SLC26A11: variants seen among roughly 807,000 people sequenced by gnomAD.
SLC26A11 encodes sodium-independent sulfate anion transporter.
SLC26A11 carries 58 observed loss-of-function variants against 62.2 expected under a neutral mutation model. The observed-to-expected ratio is 0.93, with a 90% CI of 0.76 to 1.16. The LOEUF is 1.16. Among genes scored for constraint, SLC26A11 ranks in the 50% most tolerant of loss-of-function variants. The pLI is 0.00. For missense variants in SLC26A11, 790 were observed against 794.3 expected (o/e 0.99, Z 0.06); for synonymous variants, 411 against 368.9 (o/e 1.11, Z -1.31).
In SLC26A11 at chr17:80,222,773, A is replaced by ATGAGCCCGCCTACGCTGTGC; in HGVS notation, c.356_375dup (p.Leu126SerfsTer81). 6.2e-7 allele frequency: 1 copy of ATGAGCCCGCCTACGCTGTGC among 1,613,998 alleles called. No individual in the cohort carries two copies. ...CTCCTGGTCTCCTTCTACACCTTCC[A>ATGAGCCCGCCTACGCTGTGC]TGAGCCCGCCTACGCTGTGCTGCTG... On this transcript the variant is annotated frameshift_variant, in exon 4 of 18. Transcript: ENST00000361193. LOFTEE classifies it high-confidence loss of function. This position sits in a 1 kb window ranked among gnomAD's most constrained non-coding sequence, Gnocchi z 4.7.
intron 5 of SLC26A11, among the ~76,000 whole-genome samples, chr17:80,224,537 T>C (rs2042351471): frequency 6.6e-6 from 1 of 152,112 alleles, no homozygotes; most frequent in Non-Finnish European, 1.5e-5. Flanking sequence ...CAGGACACTC[T>C]CCATGTGTAA....
chr17:80,239,659 G>A (rs2042805695), intron 9 of SLC26A11, among the ~76,000 whole-genome samples: 1 of 152,142 alleles, frequency 6.6e-6, no homozygotes, highest in South Asian at 2.1e-4. Context: ...TTACAGGCGT[G>A]AGCCACTGTG....
At position 80,221,742 on chromosome 17, in the gene SLC26A11, C is replaced by G; in HGVS notation, c.182C>G (p.Thr61Ser). 6.2e-7 allele frequency: 1 copy of G among 1,613,602 alleles called. No individual in the cohort carries two copies. Among genetic ancestry groups the G allele is most frequent in the Non-Finnish European group, 8.5e-7 (1 of 1,180,038 alleles). Reference sequence around the variant, plus strand: ...GTCGCCGGCCTCTCAGTTGGCCTCACTGCCATTCCCCAGGCGCTGGCCTAT... The same window carrying G: ...GTCGCCGGCCTCTCAGTTGGCCTCAGTGCCATTCCCCAGGCGCTGGCCTAT... ...DFVAGLSVGLTAIPQALAYAE... is the reference protein window; with the variant it reads ...DFVAGLSVGLSAIPQALAYAE... The change falls in exon 3 of 18, where the codon ACT becomes AGT. Residue 61 changes from threonine to serine, a missense_variant. Coordinates refer to ENST00000361193, the MANE Select transcript of SLC26A11 (RefSeq NM_001166347.2).
At chr17:80,230,867 T>C (rs1020283455) in intron 7 of SLC26A11, among the ~76,000 whole-genome samples, 1 of 152,114 alleles carries the variant, frequency 6.6e-6, no homozygotes, top group Admixed American at 6.6e-5. Flanking sequence ...TTTTTTCCAT[T>C]TTGTCAGTGA....
rs1598780221 is a variant in SLC26A11 at position 80,221,708 on chromosome 17, A to G, written c.148A>G (p.Met50Val). The change falls in exon 3 of 18, where the codon ATG (methionine) becomes GTG (valine). Residue 50 changes from methionine to valine, a missense_variant. By Grantham distance (21) the Met-to-Val change is conservative. Transcript: ENST00000361193. ...CAGCTACTCCCTGCAGTGGCTGAAG[A>G]TGGATTTCGTCGCCGGCCTCTCAGT... is the stretch of plus-strand genomic sequence containing the variant. ...LPSYSLQWLK[M>V]DFVAGLSVGL... 1.2e-6 allele frequency: 2 copies of G among 1,613,690 alleles called. No individual in the cohort carries two copies. The highest frequency in any genetic ancestry group is 2.2e-5 in the East Asian group (1 of 44,872).
intron 7 of SLC26A11, among the ~76,000 whole-genome samples, chr17:80,234,624 C>G (rs2042645096): frequency 6.6e-6 from 1 of 152,144 alleles, no homozygotes; most frequent in Admixed American, 6.5e-5. Context: ...CACAGACTTT[C>G]TTTGCAGAAT....
intron 7 of SLC26A11, among the ~76,000 whole-genome samples, chr17:80,232,363 T>C (rs535052469): frequency 6.6e-6 from 1 of 152,250 alleles, no homozygotes; most frequent in South Asian, 2.1e-4. Context: ...CAAGCAATTG[T>C]TGTGCCTCAG....
intron 9 of SLC26A11, among the ~76,000 whole-genome samples, chr17:80,238,811 G>GGTTTTTTTTTTTTTT (rs1555629117): frequency 4.9e-5 from 6 of 123,224 alleles, no homozygotes; most frequent in African/African-American, 2.1e-4. Context: ...CTTCAAAGGA[G>GGTTTTTTTTTTTTTT]TTTTTTTTGT....
At position 80,221,108 on chromosome 17, in the gene SLC26A11, A is replaced by C; in HGVS notation, c.-21A>C. On this transcript the variant is annotated 5_prime_UTR_variant, in exon 2 of 18. Transcript: ENST00000361193. ...CTGGCTGCCACCCGCACCCCCCGCC[A>C]GCCTACGGTGCGCCCGCGGGCCCAG... 1 of 154,828 alleles carries C rather than the reference A, an allele frequency of 6.5e-6. No homozygotes were observed. Among genetic ancestry groups the C allele is most frequent in the Non-Finnish European group, 1.4e-5 (1 of 69,916 alleles). 9.6% of individuals were successfully genotyped at this position (154,828 alleles called of 1,614,324 possible). A position where few individuals can be genotyped will look rare whatever the true frequency, so the allele number is the denominator to read the frequency against.
chr17:80,248,808 C>A, intron 15 of SLC26A11, 134 bp downstream of exon 15: 1 of 905,700 alleles, frequency 1.1e-6, no homozygotes, highest in Non-Finnish European at 1.7e-6. Context: ...TCTGAGTGGG[C>A]TGGACCGTCC....
chr17:80,248,560 C>T lies in SLC26A11; in HGVS notation c.1423-15C>T, dbSNP rs1421432064. The T allele has an allele frequency of 6.4e-7, 1 of 1,561,416 alleles. No individual in the cohort carries two copies. On this transcript the variant is annotated splice_polypyrimidine_tract_variant and intron_variant, in intron 14 of 17. Transcript: ENST00000361193. ...CCCGGTCAGACCCGCCTCCAGGACT[C>T]ACTCCTCCCCACAGGTGTCAGAGGG...
At chr17:80,232,987 C>G (rs1026488131) in intron 7 of SLC26A11, among the ~76,000 whole-genome samples, 1 of 152,116 alleles carries the variant, frequency 6.6e-6, no homozygotes, top group Non-Finnish European at 1.5e-5. Flanking sequence ...GTGGCTCACA[C>G]CTATAATCCT....
intron 7 of SLC26A11, among the ~76,000 whole-genome samples, chr17:80,231,691 A>G (rs776008939): frequency 6.6e-6 from 1 of 152,230 alleles, no homozygotes; most frequent in African/African-American, 2.4e-5. Context: ...AGTGGATTAT[A>G]TGATTTCTTC....
chr17:80,252,527 C>G lies in SLC26A11; in HGVS notation c.1730-98C>G, dbSNP rs1440530053. On this transcript the variant is annotated intron_variant, in intron 17 of 17. Coordinates refer to ENST00000361193, the MANE Select transcript of SLC26A11 (RefSeq NM_001166347.2). The surrounding 1 kb of genome is among the most constrained non-coding windows in gnomAD (Gnocchi z 5.2). ...CCACAGCTCCTTCCTGCACACCTTC[C>G]AGGACTCTGGAAGGCCCTCCTTAAT... 1 of 1,146,130 alleles carries G rather than the reference C, an allele frequency of 8.7e-7. No homozygotes were observed. The highest frequency in any genetic ancestry group is 2.1e-5 in the Admixed American group (1 of 48,778). The allele number at this position is 1,146,130 out of a possible 1,614,324, so 71.0% of individuals were successfully genotyped here.
chr17:80,248,729 C>G lies in SLC26A11; in HGVS notation c.1522+55C>G, dbSNP rs138258263. ...GGTCACTCCCCTGTCCTCTGCCCCC[C>G]ACTCCCTGCTGTTCAGGACCCCAAG... is the stretch of plus-strand genomic sequence containing the variant. On this transcript the variant is annotated intron_variant, in intron 15 of 17. Coordinates refer to ENST00000361193, the MANE Select transcript of SLC26A11 (RefSeq NM_001166347.2). The G allele has an allele frequency of 1.1e-5, 16 of 1,492,902 alleles. No homozygotes were observed. The Admixed American group carries it at 2.2e-4, about 20-fold the overall frequency. 92.5% of individuals were successfully genotyped at this position (1,492,902 alleles called of 1,614,324 possible). A position where few individuals can be genotyped will look rare whatever the true frequency, so the allele number is the denominator to read the frequency against.
At chr17:80,247,168 A>C (rs941866724) in intron 13 of SLC26A11, among the ~76,000 whole-genome samples, 1 of 151,940 alleles carries the variant, frequency 6.6e-6, no homozygotes, top group African/African-American at 2.4e-5. Flanking sequence ...GGGTAAGGTC[A>C]CAGATAACAG....
At chr17:80,249,469 G>C (rs574389528) in intron 16 of SLC26A11, among the ~76,000 whole-genome samples, 182 bp downstream of exon 16, 1 of 152,344 alleles carries the variant, frequency 6.6e-6, no homozygotes, top group East Asian at 1.9e-4. Flanking sequence ...CCCTCCCTGT[G>C]GAAGGGGGAG....
At position 80,252,148 on chromosome 17, in the gene SLC26A11, A is replaced by T. The variant is rs2043174275; in HGVS notation, c.1730-477A>T. Among the ~76,000 whole-genome samples, 1 of 152,200 alleles carries T rather than the reference A, an allele frequency of 6.6e-6. No homozygotes were observed. On this transcript the variant is annotated intron_variant, in intron 17 of 17. Coordinates refer to ENST00000361193, the MANE Select transcript of SLC26A11 (RefSeq NM_001166347.2). The surrounding 1 kb of genome is among the most constrained non-coding windows in gnomAD (Gnocchi z 5.2). ...CAACAAGAGGATGGGCCAGAGATGC[A>T]GAGCATCCACCCCAGGCCACACAGC...
chr17:80,240,019 C>G (rs965260658), intron 9 of SLC26A11, among the ~76,000 whole-genome samples: 4 of 152,232 alleles, frequency 2.6e-5, no homozygotes, highest in African/African-American at 7.2e-5. Flanking sequence ...GCCCACAAAG[C>G]CTAAAATATC....
Sources: allele counts gnomAD v4.1 joint callset (sites outside exome capture counted in the v4.1 genomes callset), GRCh38; gene constraint gnomAD v4.1.1; non-coding constraint Gnocchi (gnomAD v3.1); transcripts MANE v1.5; gene names NCBI Gene and HGNC (gene_info 2026-07-23, HGNC 2026-07-21).